The following ODAM variants were observed in gnomAD, a reference collection of about 807,000 sequenced individuals.
ODAM encodes the protein odontogenic ameloblast-associated protein.
A neutral mutation model predicts 48.5 loss-of-function variants in ODAM; 55 were observed. The observed-to-expected ratio is 1.13, with a 90% CI of 0.91 to 1.42. The LOEUF (loss-of-function observed/expected upper bound fraction) is 1.42. Ranked by LOEUF, ODAM falls within the 40% of genes most tolerant of loss-of-function variation. The pLI is 0.00. For synonymous variants in ODAM, 127 were observed against 107.8 expected (o/e 1.18, Z -1.10); for missense variants, 353 against 323.6 (o/e 1.09, Z -0.70).
rs1019560574 is a variant in ODAM at position 70,198,009 on chromosome 4, C to T, written c.227C>T (p.Ser76Phe). ...QAQIPGLSQF[S>F]LSALDQFAGL... ...CAAATTCCAGGACTCTCCCAGTTCT[C>T]TTTATCAGCTCTAGACCAGTTTGCT... Residue 76 changes from serine (S) to phenylalanine (F), a missense_variant, in exon 5 of 12, where the codon TCT becomes TTT. Ser to Phe is a radical substitution (Grantham distance 155). Coordinates refer to ENST00000683306, the MANE Select transcript of ODAM (RefSeq NM_017855.4). 2 of 1,613,270 alleles carry T rather than the reference C, an allele frequency of 1.2e-6. No homozygotes were observed. The highest frequency in any genetic ancestry group is 1.7e-6 in the Non-Finnish European group (2 of 1,179,588).
Position 70,201,480 on chromosome 4 carries a change from C to T in ODAM, c.555C>T (p.Tyr185=). 6.6e-7 allele frequency: 1 copy of T among 1,518,406 alleles called. No individual in the cohort carries two copies. The highest frequency in any genetic ancestry group is 9.1e-7 in the Non-Finnish European group (1 of 1,099,316). 94.1% of individuals were successfully genotyped at this position (1,518,406 alleles called of 1,614,324 possible). ...EQIPFYAQFG[Y]IPQLAEPAIS... ...TACCATTCTATGCTCAATTTGGATACATTCCACAACTAGCAGAACCTGTAA... is the reference window on the plus strand; with the variant it reads ...TACCATTCTATGCTCAATTTGGATATATTCCACAACTAGCAGAACCTGTAA... Residue 185 remains tyrosine (Y), a synonymous_variant, in exon 8 of 12, where the codon TAC becomes TAT. Coordinates refer to ENST00000683306, the MANE Select transcript of ODAM (RefSeq NM_017855.4).
At position 70,198,013 on chromosome 4, in the gene ODAM, A is replaced by G. The variant is rs897196914; in HGVS notation, c.231A>G (p.Leu77=). The G allele has an allele frequency of 6.2e-7, 1 of 1,613,314 alleles. No homozygotes were observed. The highest frequency in any genetic ancestry group is 1.7e-5 in the Admixed American group (1 of 59,926). ...TTCCAGGACTCTCCCAGTTCTCTTT[A>G]TCAGCTCTAGACCAGTTTGCTGGAC... ...AQIPGLSQFS[L]SALDQFAGLL... Residue 77 remains leucine (L), a synonymous_variant, in exon 5 of 12, where the codon TTA becomes TTG. Coordinates refer to ENST00000683306, the MANE Select transcript of ODAM (RefSeq NM_017855.4).
chr4:70,196,965 T>C (rs1729378859), intron 3 of ODAM, among the ~76,000 whole-genome samples: 1 of 152,076 alleles, frequency 6.6e-6, no homozygotes, highest in Non-Finnish European at 1.5e-5. Context: ...ATTGTTTATA[T>C]CTTTTTGTTC....
chr4:70,198,960 G>A (rs1319881291), intron 6 of ODAM, among the ~76,000 whole-genome samples: 5 of 152,034 alleles, frequency 3.3e-5, no homozygotes, highest in Middle Eastern at 3.4e-3. Context: ...AAATACCATG[G>A]GCTGACTTTA....
intron 9 of ODAM, among the ~76,000 whole-genome samples, 168 bp downstream of exon 9, chr4:70,202,497 T>C (rs1482444266): frequency 6.6e-6 from 1 of 151,972 alleles, no homozygotes; most frequent in Non-Finnish European, 1.5e-5. Context: ...TCTTACTCAG[T>C]TCATCAGTAT....
chr4:70,202,823 T>A lies in ODAM; in HGVS notation c.716T>A (p.Val239Asp). Residue 239 changes from valine (V) to aspartate (D), a missense_variant, in exon 10 of 12, where the codon GTT becomes GAT. Physicochemically the swap from Val to Asp is radical, Grantham distance 152. Coordinates refer to ENST00000683306, the MANE Select transcript of ODAM (RefSeq NM_017855.4). ...AINFRHDSAG[V>D]FMPSTSPKPS... ...AACTTTAGACATGACAGTGCAGGAG[T>A]TTTCATGCCCTCAACTTCACCAAAA... is the stretch of plus-strand genomic sequence containing the variant. The A allele has an allele frequency of 6.2e-7, 1 of 1,611,496 alleles. No individual in the cohort carries two copies. The highest frequency in any genetic ancestry group is 1.1e-5 in the South Asian group (1 of 90,944).
Position 70,202,247 on chromosome 4 carries a change from TG to T in ODAM, c.577-10del. The T allele has an allele frequency of 1.2e-6, 2 of 1,608,222 alleles. No homozygotes were observed. The highest frequency in any genetic ancestry group is 1.7e-6 in the Non-Finnish European group (2 of 1,175,396). On this transcript the variant is annotated splice_polypyrimidine_tract_variant and intron_variant, in intron 8 of 11. Transcript: ENST00000683306. ...CTGATTTAGACTTTTTAAAACTTTT[TG>T]TGTTTTTAGGCTATATCAGGAGGAC...
chr4:70,198,164 C>A lies in ODAM; in HGVS notation c.375+7C>A. ...ACAACCAGGCCCCAGTCACGTAAGT[C>A]AGGCCTCTTTCATTTTGTTCTGAGG... On this transcript the variant is annotated splice_region_variant and intron_variant, in intron 5 of 11. Coordinates refer to ENST00000683306, the MANE Select transcript of ODAM (RefSeq NM_017855.4). The A allele has an allele frequency of 6.2e-7, 1 of 1,608,814 alleles. No individual in the cohort carries two copies. Among genetic ancestry groups the A allele is most frequent in the South Asian group, 1.1e-5 (1 of 90,688 alleles).
At chr4:70,204,097 G>A (rs1462225877) in intron 11 of ODAM, 78 bp from the exon 12 acceptor site, 1 of 151,728 alleles carries the variant, frequency 6.6e-6, no homozygotes, top group Non-Finnish European at 1.5e-5. Flanking sequence ...TCTTTAATAA[G>A]CAATTTGTAA....
In ODAM at chr4:70,198,593, A is replaced by G. The variant is rs200546061; in HGVS notation, c.390A>G (p.Val130=). The change falls in exon 6 of 12, where the codon GTA becomes GTG. Residue 130 remains valine (V), a synonymous_variant. Coordinates refer to ENST00000683306, the MANE Select transcript of ODAM (RefSeq NM_017855.4). Reference sequence around the variant, plus strand: ...TTTTTTGGCAGGTGATGCCCTATGTATTCTCCTTCAAAATGCCTCAAGAGC... The same window carrying G: ...TTTTTTGGCAGGTGATGCCCTATGTGTTCTCCTTCAAAATGCCTCAAGAGC... The part of the protein sequence containing the change: ...QPGPSHVMPY[V]FSFKMPQEQG... 133 of 1,599,092 alleles carry G rather than the reference A, an allele frequency of 8.3e-5. 1 individual carries two copies. The highest frequency in any genetic ancestry group is 1.1e-4 in the Non-Finnish European group (128 of 1,175,278).
At chr4:70,199,671 C>T (rs1039919286) in intron 6 of ODAM, among the ~76,000 whole-genome samples, 3 of 151,882 alleles carry the variant, frequency 2.0e-5, no homozygotes, top group African/African-American at 4.8e-5. Context: ...GAATCAATAC[C>T]CCATGAATAG....
At position 70,197,993 on chromosome 4, in the gene ODAM, G is replaced by A. The variant is rs1729411217; in HGVS notation, c.211G>A (p.Gly71Arg). The change falls in exon 5 of 12, where the codon GGA (glycine) becomes AGA (arginine). Residue 71 changes from glycine to arginine, a missense_variant. Transcript: ENST00000683306. ...ACAGCAGCAGCAGGCTCAAATTCCAGGACTCTCCCAGTTCTCTTTATCAGC... is the reference window on the plus strand; with the variant it reads ...ACAGCAGCAGCAGGCTCAAATTCCAAGACTCTCCCAGTTCTCTTTATCAGC... Reference protein sequence around the residue: ...LQQQQQAQIPGLSQFSLSALD... With the variant: ...LQQQQQAQIPRLSQFSLSALD... 3.1e-6 allele frequency: 5 copies of A among 1,613,316 alleles called. No homozygotes were observed. Among genetic ancestry groups the A allele is most frequent in the Non-Finnish European group, 4.2e-6 (5 of 1,179,552 alleles).
intron 4 of ODAM, chr4:70,197,617 C>T (rs945165540): frequency 3.0e-5 from 16 of 535,774 alleles, no homozygotes; most frequent in African/African-American, 5.8e-5. Context: ...CCAGTAACAG[C>T]AGGTTGGCAG....
intron 1 of ODAM, 26 bp from the exon 2 acceptor site, chr4:70,196,503 G>C: frequency 7.7e-7 from 1 of 1,293,346 alleles, no homozygotes; most frequent in Non-Finnish European, 1.1e-6. Context: ...TCTTTATAAA[G>C]CTAAAGATCA....
chr4:70,203,392 A>C (rs897486523), intron 11 of ODAM, among the ~76,000 whole-genome samples, 178 bp downstream of exon 11: 1 of 151,966 alleles, frequency 6.6e-6, no homozygotes, highest in African/African-American at 2.4e-5. Flanking sequence ...TTTTAAAAAC[A>C]AAATTAAATT....
chr4:70,196,520 A>C lies in ODAM; in HGVS notation c.-15-9A>C. The C allele has an allele frequency of 6.8e-7, 1 of 1,471,458 alleles. No homozygotes were observed. The highest frequency in any genetic ancestry group is 9.4e-7 in the Non-Finnish European group (1 of 1,068,512). The allele number at this position is 1,471,458 out of a possible 1,614,324, so 91.2% of individuals were successfully genotyped here. A position where few individuals can be genotyped will look rare whatever the true frequency, so the allele number is the denominator to read the frequency against. On this transcript the variant is annotated splice_polypyrimidine_tract_variant and intron_variant, in intron 1 of 11. Coordinates refer to ENST00000683306, the MANE Select transcript of ODAM (RefSeq NM_017855.4). ...TTTATAAAGCTAAAGATCACAACTT[A>C]TTTTCTAGATATATCATACGAAAAT...
rs535113995 is a variant in ODAM at position 70,198,480 on chromosome 4, A to G, written c.376-99A>G. ...TTTGTTGTGGAAACTTGTTAACACA[A>G]AGGATAAATTTATATGGCTAGCTCT... On this transcript the variant is annotated intron_variant, in intron 5 of 11. Coordinates refer to ENST00000683306, the MANE Select transcript of ODAM (RefSeq NM_017855.4). 4.3e-6 allele frequency: 4 copies of G among 936,228 alleles called. No homozygotes were observed. The South Asian group carries it at 4.8e-5, about 11-fold the overall frequency. The allele number at this position is 936,228 out of a possible 1,614,324, so 58.0% of individuals were successfully genotyped here.
At chr4:70,196,320 T>G (rs564720261) in intron 1 of ODAM, among the ~76,000 whole-genome samples, 1 of 152,062 alleles carries the variant, frequency 6.6e-6, no homozygotes, top group South Asian at 2.1e-4. Flanking sequence ...AAGCAAACAA[T>G]CTTGGTTTTT....
intron 6 of ODAM, 86 bp from the exon 7 acceptor site, chr4:70,200,411 T>A (rs1031997862): frequency 8.9e-6 from 6 of 673,308 alleles, no homozygotes; most frequent in Non-Finnish European, 1.5e-5. Context: ...AAAACAGCTT[T>A]TAAATAAAAT....
Sources: gnomAD v4.1 joint callset for allele counts (sites outside exome capture counted in the v4.1 genomes callset) on GRCh38, gnomAD v4.1.1 for gene constraint, MANE v1.5 for transcripts, NCBI Gene and HGNC (gene_info 2026-07-23, HGNC 2026-07-21) for gene names.